KIF12: variants seen among roughly 807,000 people sequenced by gnomAD.
KIF12 encodes the protein kinesin family member 12, also known as kinesin-like protein KIF12.
In KIF12, 80 loss-of-function variants were observed where a neutral mutation model predicts 87.9. The observed-to-expected ratio is 0.91, with a 90% CI of 0.76 to 1.10. The LOEUF is 1.10. KIF12 is among the 50% of genes least tolerant of loss of function. KIF12 has a pLI of 0.00. For missense variants in KIF12, 819 were observed against 865.3 expected, an observed-to-expected ratio of 0.95 and a Z score of 0.67; for synonymous variants, 353 against 348.5, an observed-to-expected ratio of 1.01 and a Z score of -0.14.
intron 14 of KIF12, 139 bp from the exon 15 acceptor site, chr9:114,093,636 A>C: frequency 1.3e-6 from 1 of 757,192 alleles, no homozygotes; most frequent in Non-Finnish European, 2.2e-6. Flanking sequence ...ATGTTAACTT[A>C]TTCTCTCTGA....
At chr9:114,092,750 C>A in intron 16 of KIF12, 108 bp from the exon 17 acceptor site, 1 of 1,501,538 alleles carries the variant, frequency 6.7e-7, no homozygotes, top group East Asian at 2.5e-5. Flanking sequence ...CCACAAGGTA[C>A]CAAGAATGTC....
intron 16 of KIF12, 77 bp downstream of exon 16, chr9:114,093,152 G>A: frequency 1.5e-6 from 2 of 1,328,880 alleles, no homozygotes; most frequent in Non-Finnish European, 2.1e-6. Flanking sequence ...AATCCCTGGG[G>A]CTCTGGATTG....
intron 5 of KIF12, 122 bp from the exon 6 acceptor site, chr9:114,097,863 A>T: frequency 8.3e-7 from 1 of 1,203,802 alleles, no homozygotes; most frequent in Non-Finnish European, 1.2e-6. Flanking sequence ...CATTTAATTC[A>T]TAGTCGGTAC....
intron 16 of KIF12, 81 bp downstream of exon 16, chr9:114,093,148 T>C (rs1341384149): frequency 7.6e-7 from 1 of 1,314,772 alleles, no homozygotes; most frequent in African/African-American, 1.5e-5. Flanking sequence ...CTGGAATCCC[T>C]GGGGCTCTGG....
chr9:114,095,395 T>C (rs922722645), intron 9 of KIF12, 63 bp from the exon 10 acceptor site: 3 of 1,535,438 alleles, frequency 2.0e-6, no homozygotes, highest in Admixed American at 3.8e-5. Flanking sequence ...CAGGCTGGGA[T>C]GCTGCAGAGT....
At chr9:114,095,356 G>T in intron 9 of KIF12, 24 bp from the exon 10 acceptor site, 1 of 1,606,346 alleles carries the variant, frequency 6.2e-7, no homozygotes. Context: ...GCAAGAGTTA[G>T]GAAGGTTACA....
intron 2 of KIF12, 35 bp from the exon 3 acceptor site, chr9:114,099,048 G>A (rs1470342872): frequency 6.4e-7 from 1 of 1,550,484 alleles, no homozygotes; most frequent in Non-Finnish European, 8.7e-7. Flanking sequence ...GGTACATCCT[G>A]ATGTCTTCCT....
Position 114,092,415 on chromosome 9 carries a change from T to C in KIF12, c.1734A>G (p.Ala578=), listed in dbSNP as rs1457260109. ...CCACCTCCTCCTCCGTCAACATCTCTGCCAGGACTCGGGTCTGAGTCCAGT... is the reference window on the plus strand; with the variant it reads ...CCACCTCCTCCTCCGTCAACATCTCCGCCAGGACTCGGGTCTGAGTCCAGT... ...HSDWTQTRVL[A]EMLTEEEVVP... is the part of the protein sequence containing the mutation. Residue 578 remains alanine, a synonymous_variant, in exon 18 of 19, where the codon GCA becomes GCG. Transcript: ENST00000640217. 17 of 1,613,298 alleles carry C rather than the reference T, an allele frequency of 1.1e-5. 1 individual carries two copies. The Admixed American group carries it at 2.8e-4, about 27-fold the overall frequency.
At chr9:114,094,142 T>C (rs1588501585) in intron 13 of KIF12, 39 bp downstream of exon 13, 1 of 1,583,878 alleles carries the variant, frequency 6.3e-7, no homozygotes, top group Non-Finnish European at 8.7e-7. Flanking sequence ...CAGTGATGGG[T>C]GGGGAGCAGC....
chr9:114,099,225 T>A (rs1472077266), intron 1 of KIF12, 26 bp downstream of exon 1: 3 of 1,550,840 alleles, frequency 1.9e-6, no homozygotes, highest in Non-Finnish European at 2.6e-6. Context: ...TCAGGACTCC[T>A]CGAACCTGTC....
chr9:114,097,669 C>T lies in KIF12; in HGVS notation c.448G>A (p.Val150Met), dbSNP rs367963307. 38 of 1,614,014 alleles carry T rather than the reference C, an allele frequency of 2.4e-5. No homozygotes were observed. Among genetic ancestry groups the T allele is most frequent in the Admixed American group, 3.3e-5 (2 of 60,012 alleles). The change falls in exon 6 of 19, where the codon GTG (valine) becomes ATG (methionine). Residue 150 changes from valine (V) to methionine (M), a missense_variant. Val to Met is a conservative substitution (Grantham distance 21). Transcript: ENST00000640217. ...QRTFAWLLDR[V>M]QHLGAPVTLR... ...GTGACAGGGGCACCCAGGTGCTGCA[C>T]GCGGTCCAACAGCCAGGCGAAGGTC...
chr9:114,097,032 G>A (rs1847259141), intron 7 of KIF12, among the ~76,000 whole-genome samples: 1 of 152,224 alleles, frequency 6.6e-6, no homozygotes, highest in African/African-American at 2.4e-5. Flanking sequence ...CCACCAGGGA[G>A]CAAGAATGAG....
chr9:114,098,500 G>A, intron 3 of KIF12, 71 bp from the exon 4 acceptor site: 2 of 925,558 alleles, frequency 2.2e-6, no homozygotes, highest in Admixed American at 4.7e-5. Flanking sequence ...GCGGGGCACC[G>A]TGGAGGAGGG....
At position 114,093,273 on chromosome 9, in the gene KIF12, G is replaced by C. The variant is rs867156569; in HGVS notation, c.1552C>G (p.Leu518Val). Reference sequence around the variant, plus strand: ...CCTGGCAGGCAGGCCCAGTGGGCCAGGGGCACTCGACACAGTGGGCAGATG... The same window carrying C: ...CCTGGCAGGCAGGCCCAGTGGGCCACGGGCACTCGACACAGTGGGCAGATG... ...CHICPLCRVP[L>V]AHWACLPGEH... is the part of the protein sequence containing the mutation. The change falls in exon 16 of 19, where the codon CTG (leucine) becomes GTG (valine). Residue 518 changes from leucine (L) to valine (V), a missense_variant. Leu to Val is a conservative substitution (Grantham distance 32). Coordinates refer to ENST00000640217, the MANE Select transcript of KIF12 (RefSeq NM_001388308.1). The C allele has an allele frequency of 6.4e-7, 1 of 1,559,302 alleles. No individual in the cohort carries two copies. The highest frequency in any genetic ancestry group is 1.9e-5 in the Admixed American group (1 of 51,734).
chr9:114,099,091 A>T lies in KIF12; in HGVS notation c.92+13T>A. On this transcript the variant is annotated intron_variant, in intron 2 of 18. Coordinates refer to ENST00000640217, the MANE Select transcript of KIF12 (RefSeq NM_001388308.1). ...TGTCTCGCCCAGGTGCCTCCTAGCC[A>T]ATTTATACCCACCTGAGCACCACCT... 1.3e-6 allele frequency: 2 copies of T among 1,550,338 alleles called. No individual in the cohort carries two copies.
At position 114,093,332 on chromosome 9, in the gene KIF12, G is replaced by A; in HGVS notation, c.1493C>T (p.Ala498Val). The change falls in exon 16 of 19, where the codon GCA (alanine) becomes GTA (valine). Residue 498 changes from alanine to valine, a missense_variant and splice_region_variant. Physicochemically the swap from Ala to Val is moderately conservative, Grantham distance 64. Transcript: ENST00000640217. ...GGGGCAGGAGTAGAGGGGTGGCAGT[G>A]CCTGCAAAAAGGTGCGTCAGAGGCT... ...CLMAPAPPCHALPPLYSCPCC... is the reference protein window; with the variant it reads ...CLMAPAPPCHVLPPLYSCPCC... 1 of 1,557,468 alleles carries A rather than the reference G, an allele frequency of 6.4e-7. No individual in the cohort carries two copies.
chr9:114,097,159 T>C, intron 7 of KIF12, 142 bp downstream of exon 7: 5 of 1,120,648 alleles, frequency 4.5e-6, no homozygotes, highest in Non-Finnish European at 1.2e-6. Flanking sequence ...TGCCTTTGAA[T>C]TGTGGTTTAC....
chr9:114,097,816 T>C, intron 5 of KIF12, 75 bp from the exon 6 acceptor site: 1 of 1,494,698 alleles, frequency 6.7e-7, no homozygotes, highest in East Asian at 2.5e-5. Context: ...TATGATACCG[T>C]GCGCCGGGAA....
intron 16 of KIF12, chr9:114,092,844 C>T (rs972162155): frequency 9.8e-6 from 14 of 1,434,982 alleles, no homozygotes; most frequent in Admixed American, 5.8e-5. Context: ...AGACTAGAAG[C>T]CTCCTGAGAG....
Sources: gnomAD v4.1 joint callset for allele counts (sites outside exome capture counted in the v4.1 genomes callset) on GRCh38, gnomAD v4.1.1 for gene constraint, MANE v1.5 for transcripts, NCBI Gene and HGNC (gene_info 2026-07-23, HGNC 2026-07-21) for gene names.